ST6GALNAC3: variants seen among roughly 807,000 people sequenced by gnomAD.
ST6GALNAC3 encodes alpha-N-acetylgalactosaminide alpha-2,6-sialyltransferase 3.
In ST6GALNAC3, 25 loss-of-function variants were observed where a neutral mutation model predicts 32.7. The observed-to-expected ratio is 0.76, with a 90% CI of 0.56 to 1.07. The LOEUF (loss-of-function observed/expected upper bound fraction) is 1.07. Ranked by LOEUF, ST6GALNAC3 falls within the 50% of genes least tolerant of loss-of-function variation. The pLI is 0.00. For missense variants in ST6GALNAC3, 355 were observed against 382.4 expected (o/e 0.93, Z 0.60); for synonymous variants, 129 against 133.1 (o/e 0.97, Z 0.21).
chr1:76,210,984 A>G (rs1167123776), intron 1 of ST6GALNAC3, among the ~76,000 whole-genome samples: 2 of 152,182 alleles, frequency 1.3e-5, no homozygotes, highest in Admixed American at 6.5e-5. Context: ...TTAGCTTCCC[A>G]GAATGCTGGG....
At chr1:76,189,843 C>A (rs918055271) in intron 1 of ST6GALNAC3, among the ~76,000 whole-genome samples, 4 of 152,214 alleles carry the variant, frequency 2.6e-5, no homozygotes, top group Admixed American at 2.6e-4. Context: ...AGATGTTAAG[C>A]ATACCTTAGA....
At chr1:76,252,956 T>C (rs1657706734) in intron 1 of ST6GALNAC3, among the ~76,000 whole-genome samples, 1 of 152,158 alleles carries the variant, frequency 6.6e-6, no homozygotes, top group Non-Finnish European at 1.5e-5. Flanking sequence ...GATTCTCTTT[T>C]TGATTAGAAT....
intron 3 of ST6GALNAC3, among the ~76,000 whole-genome samples, chr1:76,596,545 A>G (rs1461259083): frequency 6.6e-6 from 1 of 152,088 alleles, no homozygotes; most frequent in Non-Finnish European, 1.5e-5. Flanking sequence ...ACAAATTTGT[A>G]TTTTCTTGTA....
chr1:76,236,129 A>G (rs1656643565), intron 1 of ST6GALNAC3, among the ~76,000 whole-genome samples: 6 of 151,864 alleles, frequency 4.0e-5, no homozygotes, highest in African/African-American at 1.5e-4. Flanking sequence ...CGTATTTTTA[A>G]TAGAGACAGG....
intron 1 of ST6GALNAC3, among the ~76,000 whole-genome samples, chr1:76,181,987 A>T (rs890267374): frequency 3.9e-5 from 6 of 152,136 alleles, no homozygotes; most frequent in Admixed American, 2.6e-4. Flanking sequence ...CATATCTACA[A>T]TGAGCACTGA....
At chr1:76,454,698 C>A (rs1013659516) in intron 3 of ST6GALNAC3, among the ~76,000 whole-genome samples, 1 of 152,048 alleles carries the variant, frequency 6.6e-6, no homozygotes, top group Admixed American at 6.6e-5. Flanking sequence ...GGTGCTTTTG[C>A]CTCATGGCTT....
intron 3 of ST6GALNAC3, among the ~76,000 whole-genome samples, chr1:76,510,687 G>C (rs530448005): frequency 1.3e-5 from 2 of 152,264 alleles, no homozygotes; most frequent in South Asian, 4.2e-4. Context: ...AATAGTGGAA[G>C]TCAAAAATGC....
chr1:76,562,197 T>C (rs1160733982), intron 3 of ST6GALNAC3, among the ~76,000 whole-genome samples: 1 of 152,102 alleles, frequency 6.6e-6, no homozygotes, highest in East Asian at 1.9e-4. Context: ...CACAATGCAG[T>C]GAATATAACA....
At chr1:76,082,750 C>G (rs1646913987) in intron 1 of ST6GALNAC3, among the ~76,000 whole-genome samples, 1 of 152,098 alleles carries the variant, frequency 6.6e-6, no homozygotes, top group African/African-American at 2.4e-5. Flanking sequence ...TCTTTCATTT[C>G]CTGTGTGATG....
chr1:76,193,408 C>T (rs961960379), intron 1 of ST6GALNAC3, among the ~76,000 whole-genome samples: 1 of 152,180 alleles, frequency 6.6e-6, no homozygotes, highest in African/African-American at 2.4e-5. Flanking sequence ...TACCAACTCA[C>T]ATTAAGCCTC....
intron 1 of ST6GALNAC3, among the ~76,000 whole-genome samples, chr1:76,238,884 TTCTC>T (rs1357909373): frequency 2.0e-5 from 3 of 152,138 alleles, no homozygotes; most frequent in Non-Finnish European, 4.4e-5. Flanking sequence ...TTTAAAGTCT[TTCTC>T]AATCTGGGAC....
At chr1:76,266,665 C>T (rs1315571567) in intron 1 of ST6GALNAC3, among the ~76,000 whole-genome samples, 2 of 152,190 alleles carry the variant, frequency 1.3e-5, no homozygotes, top group East Asian at 1.9e-4. Context: ...CTCCAATTCT[C>T]ATCTACCTGC....
rs1296771231 is a variant in ST6GALNAC3 at position 76,498,716 on chromosome 1, G to A, written c.623+86299G>A. Among the ~76,000 whole-genome samples the A allele has an allele frequency of 4.8e-5, 6 of 123,756 alleles. No individual in the cohort carries two copies. The East Asian group carries it at 7.9e-4, about 16-fold the overall frequency. The allele number at this position is 123,756 out of a possible 152,430, so 81.2% of individuals were successfully genotyped here. A position where few individuals can be genotyped will look rare whatever the true frequency, so the allele number is the denominator to read the frequency against. ...TGGTAAATCTTGCCTCCTTTGATTC[G>A]CAACAAAGCAGAAAAAAAAAAAACG... On this transcript the variant is annotated intron_variant, in intron 3 of 4. Transcript: ENST00000328299.
intron 2 of ST6GALNAC3, among the ~76,000 whole-genome samples, chr1:76,345,162 T>C (rs1384651295): frequency 6.6e-6 from 1 of 152,190 alleles, no homozygotes. Context: ...ATCACCCTGC[T>C]TGTGGGATCA....
At chr1:76,285,647 ACT>A (rs1485391290) in intron 1 of ST6GALNAC3, among the ~76,000 whole-genome samples, 14 of 152,174 alleles carry the variant, frequency 9.2e-5, no homozygotes, top group African/African-American at 3.1e-4. Context: ...AGAGGAAGGT[ACT>A]CATGAGGGCA....
At chr1:76,535,436 AT>A (rs936337130) in intron 3 of ST6GALNAC3, among the ~76,000 whole-genome samples, 5 of 152,094 alleles carry the variant, frequency 3.3e-5, no homozygotes, top group Admixed American at 1.3e-4. Context: ...AAGTATAAAT[AT>A]TTTTTTCCCC....
At position 76,281,384 on chromosome 1, in the gene ST6GALNAC3, C is replaced by A. The variant is rs537951798; in HGVS notation, c.19-32421C>A. Among the ~76,000 whole-genome samples the A allele has an allele frequency of 2.4e-4, 37 of 152,278 alleles. No individual in the cohort carries two copies. The South Asian group carries it at 3.3e-3, about 14-fold the overall frequency. On this transcript the variant is annotated intron_variant, in intron 1 of 4. Transcript: ENST00000328299. ...AAAATATACTCTCATTTGGTTCCAC[C>A]CTGAGAGAGCCGTTGGATTGCAGCC...
intron 3 of ST6GALNAC3, among the ~76,000 whole-genome samples, chr1:76,561,808 T>C (rs1665263267): frequency 6.6e-6 from 1 of 152,158 alleles, no homozygotes; most frequent in Non-Finnish European, 1.5e-5. Context: ...TTTACATGCA[T>C]TTTCAAAGCA....
At chr1:76,365,824 T>C (rs1434116185) in intron 2 of ST6GALNAC3, among the ~76,000 whole-genome samples, 2 of 152,210 alleles carry the variant, frequency 1.3e-5, no homozygotes, top group Admixed American at 6.5e-5. Flanking sequence ...ATTCATTAGT[T>C]TAACTCATGG....
Sources: gnomAD v4.1 joint callset for allele counts (sites outside exome capture counted in the v4.1 genomes callset) on GRCh38, gnomAD v4.1.1 for gene constraint, MANE v1.5 for transcripts, NCBI Gene and HGNC (gene_info 2026-07-23, HGNC 2026-07-21) for gene names.